Variants in GPBP1L1 observed in about 807,000 individuals in gnomAD.
GPBP1L1 encodes vasculin-like protein 1.
GPBP1L1 carries 23 observed loss-of-function variants against 52.5 expected under a neutral mutation model. The observed-to-expected ratio is 0.44, with a 90% CI of 0.32 to 0.62. The LOEUF is 0.62. GPBP1L1 is among the 20% of genes least tolerant of loss of function. GPBP1L1 has a pLI of 0.06. For synonymous variants in GPBP1L1, 243 were observed against 203.1 expected (o/e 1.20, Z -1.67); for missense variants, 596 against 579.3 (o/e 1.03, Z -0.30).
chr1:45,627,707 T>G lies in GPBP1L1; in HGVS notation c.*549A>C, dbSNP rs981851505. On this transcript the variant is annotated 3_prime_UTR_variant, in exon 13 of 13. Coordinates refer to ENST00000355105, the MANE Select transcript of GPBP1L1 (RefSeq NM_021639.5). The stretch of plus-strand genomic sequence containing the variant: ...CCTATATCCAAATATTTTACAGCTG[T>G]ACCCAAAAAGGAAAAAGAAAAAAAA... 1 of 145,160 alleles carries G rather than the reference T, an allele frequency of 6.9e-6. No individual in the cohort carries two copies. Among genetic ancestry groups the G allele is most frequent in the African/African-American group, 2.6e-5 (1 of 38,480 alleles). The allele number at this position is 145,160 out of a possible 1,614,324, so 9.0% of individuals were successfully genotyped here.
intron 2 of GPBP1L1, among the ~76,000 whole-genome samples, chr1:45,680,317 C>T (rs1569893955): frequency 6.7e-6 from 1 of 148,868 alleles, no homozygotes; most frequent in Non-Finnish European, 1.5e-5. Context: ...TGGCTCACTG[C>T]AACCACCACC....
chr1:45,646,231 T>C (rs903351879), intron 6 of GPBP1L1: 1 of 262,524 alleles, frequency 3.8e-6, no homozygotes, highest in African/African-American at 2.3e-5. Context: ...GAAAGAGCAA[T>C]ATTCCAAGTA....
intron 2 of GPBP1L1, among the ~76,000 whole-genome samples, chr1:45,680,235 CTT>C (rs58188753): frequency 6.9e-5 from 9 of 130,108 alleles, no homozygotes; most frequent in East Asian, 4.2e-4. Flanking sequence ...TTGAGACACG[CTT>C]TTTTTTTTTT....
At chr1:45,674,908 T>G (rs1465291854) in intron 2 of GPBP1L1, among the ~76,000 whole-genome samples, 9 of 152,216 alleles carry the variant, frequency 5.9e-5, no homozygotes, top group Non-Finnish European at 1.0e-4. Flanking sequence ...TAGCTGTACT[T>G]TTTTCGGACT....
At chr1:45,656,859 T>A (rs996733794) in intron 4 of GPBP1L1, among the ~76,000 whole-genome samples, 6 of 151,836 alleles carry the variant, frequency 4.0e-5, no homozygotes, top group Non-Finnish European at 8.8e-5. Flanking sequence ...TTTTTTAAAT[T>A]TTTCTTGTAG....
chr1:45,672,248 A>C (rs1294555124), intron 2 of GPBP1L1, among the ~76,000 whole-genome samples: 1 of 151,850 alleles, frequency 6.6e-6, no homozygotes, highest in East Asian at 1.9e-4. Context: ...TGTAGTCCCA[A>C]CTACTCGGGA....
At chr1:45,672,572 G>C (rs1645086774) in intron 2 of GPBP1L1, among the ~76,000 whole-genome samples, 1 of 152,164 alleles carries the variant, frequency 6.6e-6, no homozygotes, top group African/African-American at 2.4e-5. Context: ...AGACATCGAA[G>C]TGGAGATGTT....
At chr1:45,682,659 A>T (rs1483305436) in intron 2 of GPBP1L1, among the ~76,000 whole-genome samples, 2 of 152,206 alleles carry the variant, frequency 1.3e-5, no homozygotes, top group Non-Finnish European at 2.9e-5. Context: ...TTAGCTGAAA[A>T]ATGATTCAGC....
intron 8 of GPBP1L1, 57 bp downstream of exon 8, chr1:45,640,153 C>T: frequency 7.3e-7 from 1 of 1,377,952 alleles, no homozygotes; most frequent in Non-Finnish European, 1.0e-6. Flanking sequence ...TAATTTTTTC[C>T]TGATTTATTC....
intron 8 of GPBP1L1, chr1:45,634,454 T>A (rs1277648977): frequency 2.4e-6 from 1 of 412,670 alleles, no homozygotes; most frequent in East Asian, 3.5e-5. Context: ...ACATTAATAG[T>A]GACTTCCCAA....
intron 6 of GPBP1L1, among the ~76,000 whole-genome samples, chr1:45,650,797 G>C (rs752239252): frequency 1.2e-4 from 18 of 152,084 alleles, no homozygotes; most frequent in Middle Eastern, 3.4e-3. Context: ...TACTCTCCTT[G>C]AGCGATTTTA....
intron 2 of GPBP1L1, among the ~76,000 whole-genome samples, chr1:45,683,495 G>A (rs1014217663): frequency 6.7e-6 from 1 of 149,118 alleles, no homozygotes; most frequent in South Asian, 2.2e-4. Flanking sequence ...GTGAGCCACC[G>A]CGCCCGGCCT....
chr1:45,667,561 A>G (rs1367066825), intron 2 of GPBP1L1, among the ~76,000 whole-genome samples: 2 of 152,158 alleles, frequency 1.3e-5, no homozygotes, highest in Non-Finnish European at 2.9e-5. Context: ...ATACAACACT[A>G]CCAGTGCTCT....
intron 2 of GPBP1L1, among the ~76,000 whole-genome samples, chr1:45,663,570 G>A (rs759055065): frequency 1.2e-4 from 18 of 152,224 alleles, no homozygotes; most frequent in Non-Finnish European, 8.8e-5. Context: ...TGTAAAGAGT[G>A]TGACCTACAC....
At chr1:45,661,944 T>C (rs1269938325) in intron 2 of GPBP1L1, among the ~76,000 whole-genome samples, 1 of 152,188 alleles carries the variant, frequency 6.6e-6, no homozygotes, top group African/African-American at 2.4e-5. Context: ...TATCACCAAC[T>C]ACCTATTTGT....
At chr1:45,636,747 ACTTG>A (rs1463835403) in intron 8 of GPBP1L1, among the ~76,000 whole-genome samples, 1 of 152,240 alleles carries the variant, frequency 6.6e-6, no homozygotes, top group Non-Finnish European at 1.5e-5. Flanking sequence ...AAATCTAATA[ACTTG>A]CTTAAGATCA....
chr1:45,662,345 G>C (rs189282995), intron 2 of GPBP1L1, among the ~76,000 whole-genome samples: 1 of 152,182 alleles, frequency 6.6e-6, no homozygotes, highest in East Asian at 1.9e-4. Context: ...GGATCTCACT[G>C]TGTTGCCCAG....
intron 6 of GPBP1L1, among the ~76,000 whole-genome samples, chr1:45,642,788 T>C (rs552148606): frequency 6.6e-6 from 1 of 152,352 alleles, no homozygotes; most frequent in Admixed American, 6.5e-5. Flanking sequence ...CACTTTCCTA[T>C]AGGATATGTA....
At position 45,659,083 on chromosome 1, in the gene GPBP1L1, G is replaced by A; in HGVS notation, c.5C>T (p.Ala2Val). 6.2e-7 allele frequency: 1 copy of A among 1,614,028 alleles called. No individual in the cohort carries two copies. The highest frequency in any genetic ancestry group is 8.5e-7 in the Non-Finnish European group (1 of 1,179,916). The part of the protein sequence containing the change: M[A>V]QHDFVPAWLN... ...CCAAGCAGGAACAAAATCATGCTGC[G>A]CCATTTAGGTCCAGTGTCTCCTTTC... The change falls in exon 4 of 13, where the codon GCG becomes GTG. Residue 2 changes from alanine to valine, a missense_variant. Ala to Val is a moderately conservative substitution (Grantham distance 64). Transcript: ENST00000355105.
Sources: allele counts gnomAD v4.1 joint callset (sites outside exome capture counted in the v4.1 genomes callset), GRCh38; gene constraint gnomAD v4.1.1; transcripts MANE v1.5; gene names NCBI Gene and HGNC (gene_info 2026-07-23, HGNC 2026-07-21).